UBR1: variants seen among roughly 807,000 people sequenced by gnomAD.
The protein encoded by UBR1 is ubiquitin protein ligase E3 component n-recognin 1, also known as E3 ubiquitin-protein ligase UBR1.
Under a neutral mutation model 242.1 loss-of-function variants are expected in UBR1, and 102 were observed. That is an observed-to-expected ratio of 0.42 (90% CI 0.36 to 0.50). The LOEUF (loss-of-function observed/expected upper bound fraction) is 0.50, where lower values mean the gene tolerates loss of function less well. UBR1 is among the 20% of genes least tolerant of loss of function. The pLI, the probability that UBR1 is intolerant of heterozygous loss-of-function variation, is 0.01. For synonymous variants in UBR1, 675 were observed against 684.8 expected (o/e 0.99, Z 0.22); for missense variants, 1,772 against 2,101.8 (o/e 0.84, Z 3.07).
At chr15:42,966,385 G>A (rs1436959303) in intron 40 of UBR1, 99 bp from the exon 41 acceptor site, 2 of 1,487,214 alleles carry the variant, frequency 1.3e-6, no homozygotes, top group Admixed American at 1.8e-5. Context: ...TAAACATTTA[G>A]GTAATTTATT....
At position 43,036,586 on chromosome 15, in the gene UBR1, T is replaced by G; in HGVS notation, c.2030A>C (p.Tyr677Ser). ...NGLSLISQVF[Y>S]YQDVKCREEM... is the part of the protein sequence containing the mutation. ...TTCTCTGCACTTAACATCTTGGTAA[T>G]AAAACACCTATAAGGTAATAGGTAG... Residue 677 changes from tyrosine (Y) to serine (S), a missense_variant, in exon 18 of 47, where the codon TAT (tyrosine) becomes TCT (serine). Physicochemically the swap from Tyr to Ser is moderately radical, Grantham distance 144. This residue lies in a region of UBR1 where 734 missense variants were observed against 893.3 expected (regional missense o/e 0.82). Coordinates refer to ENST00000290650, the MANE Select transcript of UBR1 (RefSeq NM_174916.3). The G allele has an allele frequency of 6.4e-7, 1 of 1,573,324 alleles. No individual in the cohort carries two copies.
At chr15:43,083,299 T>A (rs1342733347) in intron 2 of UBR1, among the ~76,000 whole-genome samples, 1 of 152,266 alleles carries the variant, frequency 6.6e-6, no homozygotes, top group Non-Finnish European at 1.5e-5. Context: ...TAACAACTTC[T>A]TAAATGCATT....
chr15:43,106,000 C>G lies in UBR1; in HGVS notation c.23G>C (p.Gly8Ala). 6.2e-7 allele frequency: 1 copy of G among 1,613,654 alleles called. No homozygotes were observed. Among genetic ancestry groups the G allele is most frequent in the South Asian group, 1.1e-5 (1 of 90,978 alleles). ...CGCGCTGATTTCCATCCTCTCAGTA[C>G]CTCCAGCCTCCTCGTCCGCCATCTT... MADEEAG[G>A]TERMEISAEL... is the part of the protein sequence containing the mutation. Residue 8 changes from glycine to alanine, a missense_variant, in exon 1 of 47, where the codon GGT becomes GCT. Transcript: ENST00000290650.
At chr15:43,054,943 G>A (rs754164239) in intron 11 of UBR1, 44 bp from the exon 12 acceptor site, 1 of 1,600,978 alleles carries the variant, frequency 6.2e-7, no homozygotes, top group South Asian at 1.1e-5. Context: ...TTAACTCATT[G>A]TGGTATGGAC....
At chr15:43,001,787 C>A (rs935681341) in intron 32 of UBR1, among the ~76,000 whole-genome samples, 8 of 152,080 alleles carry the variant, frequency 5.3e-5, no homozygotes, top group Non-Finnish European at 1.0e-4. Context: ...AAAAACAAAT[C>A]TAGTGTTTCT....
chr15:43,011,606 C>T (rs566411249), intron 29 of UBR1, among the ~76,000 whole-genome samples: 1 of 152,152 alleles, frequency 6.6e-6, no homozygotes, highest in Non-Finnish European at 1.5e-5. Context: ...TTAATAATAT[C>T]ACATTTTCAA....
intron 35 of UBR1, among the ~76,000 whole-genome samples, chr15:42,988,269 A>ATGTGTGTGTGTG (rs112501912): frequency 6.8e-6 from 1 of 147,804 alleles, no homozygotes; most frequent in Non-Finnish European, 1.5e-5. Flanking sequence ...AAAGGAATAT[A>ATGTGTGTGTGTG]TGTGTGTGTG....
At chr15:42,975,737 A>C (rs1364348779) in intron 39 of UBR1, among the ~76,000 whole-genome samples, 1 of 151,648 alleles carries the variant, frequency 6.6e-6, no homozygotes, top group African/African-American at 2.4e-5. Context: ...TCTGTTGCCC[A>C]GGCTGGAGTG....
intron 33 of UBR1, among the ~76,000 whole-genome samples, chr15:42,996,531 A>G (rs897532810): frequency 1.3e-5 from 2 of 152,142 alleles, no homozygotes; most frequent in African/African-American, 2.4e-5. Flanking sequence ...CAGGAAGTTG[A>G]AGCTGCAGTG....
intron 29 of UBR1, among the ~76,000 whole-genome samples, chr15:43,014,190 GGTGCCCAGGCTGGA>G (rs1472755494): frequency 2.0e-5 from 3 of 152,258 alleles, no homozygotes; most frequent in Admixed American, 6.5e-5. Flanking sequence ...AGTGCTCAAT[GGTGCCCAGGCTGGA>G]GTGCAGTGGC....
At chr15:43,012,009 G>T (rs1053717164) in intron 29 of UBR1, 5 of 421,834 alleles carry the variant, frequency 1.2e-5, no homozygotes, top group African/African-American at 1.0e-4. Flanking sequence ...GGCGGATCAT[G>T]AGGTCAGGAG....
rs1311444328 is a variant in UBR1 at position 43,098,383 on chromosome 15, CA to C, written c.81+7558del. Reference sequence around the variant, plus strand: ...GACACAATGACACGAAGTGAGCACACAATGTTGAAAAAATGGCACTGAAAGG... The same window carrying C: ...GACACAATGACACGAAGTGAGCACACATGTTGAAAAAATGGCACTGAAAGG... On this transcript the variant is annotated intron_variant, in intron 1 of 46. Transcript: ENST00000290650. Among the ~76,000 whole-genome samples the C allele has an allele frequency of 2.0e-5, 3 of 152,216 alleles. No homozygotes were observed. The East Asian group carries it at 5.8e-4, about 29-fold the overall frequency.
At position 42,984,010 on chromosome 15, in the gene UBR1, AAGGAAGAT is replaced by A; in HGVS notation, c.4054-25_4054-18del. On this transcript the variant is annotated intron_variant, in intron 36 of 46. Coordinates refer to ENST00000290650, the MANE Select transcript of UBR1 (RefSeq NM_174916.3). ...ACCATTATGCTAGATTGTAAGAGAG[AAGGAAGAT>A]AAAAAGATGAGGGAAGATGAGAGAC... is the stretch of plus-strand genomic sequence containing the variant. 6.2e-7 allele frequency: 1 copy of A among 1,601,372 alleles called. No homozygotes were observed.
intron 35 of UBR1, among the ~76,000 whole-genome samples, chr15:42,987,047 T>C (rs1385065387): frequency 1.3e-5 from 2 of 152,196 alleles, no homozygotes; most frequent in Non-Finnish European, 2.9e-5. Flanking sequence ...TGAGCGGCGC[T>C]TCCTCAGCTC....
intron 42 of UBR1, among the ~76,000 whole-genome samples, chr15:42,962,373 C>T (rs1249971077): frequency 6.6e-6 from 1 of 152,132 alleles, no homozygotes; most frequent in East Asian, 1.9e-4. Flanking sequence ...CTAGGGACAC[C>T]AGCAGATACT....
intron 40 of UBR1, among the ~76,000 whole-genome samples, chr15:42,967,331 G>C (rs2032123987): frequency 6.7e-6 from 1 of 149,328 alleles, no homozygotes; most frequent in Admixed American, 6.8e-5. Context: ...CCAAAGTGCT[G>C]GGATTATAGG....
chr15:42,986,105 G>T (rs1269223751), intron 35 of UBR1, among the ~76,000 whole-genome samples: 1 of 151,408 alleles, frequency 6.6e-6, no homozygotes, highest in Non-Finnish European at 1.5e-5. Context: ...TATTTTCACT[G>T]ATCCTTAGCA....
intron 30 of UBR1, among the ~76,000 whole-genome samples, chr15:43,005,429 C>T (rs1178293254): frequency 2.7e-5 from 4 of 149,116 alleles, no homozygotes; most frequent in African/African-American, 1.0e-4. Context: ...AGGTGGGGGG[C>T]AGCCCCCGCC....
chr15:43,083,269 C>A (rs918564898), intron 2 of UBR1, among the ~76,000 whole-genome samples: 3 of 152,178 alleles, frequency 2.0e-5, no homozygotes, highest in African/African-American at 7.2e-5. Flanking sequence ...AAATTCAATC[C>A]CTCTTCATCT....
Sources: allele counts gnomAD v4.1 joint callset (sites outside exome capture counted in the v4.1 genomes callset), GRCh38; gene constraint gnomAD v4.1.1; regional missense constraint gnomAD v4.1.1; transcripts MANE v1.5; gene names NCBI Gene and HGNC (gene_info 2026-07-23, HGNC 2026-07-21).